MAD1L1: variants seen among roughly 807,000 people sequenced by gnomAD.
The protein encoded by MAD1L1 is mitotic arrest deficient 1 like 1.
In MAD1L1, 95 loss-of-function variants were observed where a neutral mutation model predicts 96.9. That is an observed-to-expected ratio of 0.98 (90% CI 0.83 to 1.16). The LOEUF (loss-of-function observed/expected upper bound fraction) is 1.16. Ranked by LOEUF, MAD1L1 falls within the 50% of genes most tolerant of loss-of-function variation. MAD1L1 has a pLI of 0.00. For missense variants in MAD1L1, 1,007 were observed against 954.4 expected (o/e 1.06, Z -0.73); for synonymous variants, 473 against 396.6 (o/e 1.19, Z -2.29).
At position 2,078,056 on chromosome 7, in the gene MAD1L1, G is replaced by A. The variant is rs143175228; in HGVS notation, c.1074-8718C>T. 5.2e-3 allele frequency among the ~76,000 whole-genome samples: 798 copies of A among 152,268 alleles called. 1 individual carries two copies. Among genetic ancestry groups the A allele is most frequent in the Non-Finnish European group, 7.9e-3 (536 of 68,022 alleles). ...TCGCTCCTTGCTAAGAGGGAACACC[G>A]GGGAAGGGCCCCCACTCACCACAGA... is the stretch of plus-strand genomic sequence containing the variant. On this transcript the variant is annotated intron_variant, in intron 11 of 18. Coordinates refer to ENST00000265854, the MANE Select transcript of MAD1L1 (RefSeq NM_001013836.2).
rs184829121 is a variant in MAD1L1, at chr7:2,009,632, G to A, written c.1359+4870C>T. Among the ~76,000 whole-genome samples, 34 of 152,284 alleles carry A rather than the reference G, an allele frequency of 2.2e-4. No individual in the cohort carries two copies. The East Asian group carries it at 5.2e-3, about 23-fold the overall frequency. On this transcript the variant is annotated intron_variant, in intron 13 of 18. Coordinates refer to ENST00000265854, the MANE Select transcript of MAD1L1 (RefSeq NM_001013836.2). ...GGTGGAGGTCTGAGGATGACTGTGAGCCCAGCGCTGGCCACAGAGCACACA... is the reference window on the plus strand; with the variant it reads ...GGTGGAGGTCTGAGGATGACTGTGAACCCAGCGCTGGCCACAGAGCACACA...
chr7:1,940,063 G>C (rs1778872255), intron 16 of MAD1L1: 1 of 152,396 alleles, frequency 6.6e-6, no homozygotes, highest in Admixed American at 6.5e-5. Context: ...TCATGGAAGA[G>C]GCCAGTGGAG....
At chr7:1,981,092 G>A (rs1421953520) in intron 14 of MAD1L1, among the ~76,000 whole-genome samples, 1 of 152,136 alleles carries the variant, frequency 6.6e-6, no homozygotes, top group Non-Finnish European at 1.5e-5. Context: ...TCAGCCTCCT[G>A]AGTAGCTGGG....
chr7:1,952,583 G>GAGA (rs398072944), intron 16 of MAD1L1, among the ~76,000 whole-genome samples: 1 of 152,110 alleles, frequency 6.6e-6, no homozygotes, highest in Non-Finnish European at 1.5e-5. Flanking sequence ...TGGCACAGAG[G>GAGA]TGCGTGAAGG....
intron 17 of MAD1L1, among the ~76,000 whole-genome samples, chr7:1,934,969 G>A (rs917137094): frequency 3.5e-5 from 5 of 144,516 alleles, no homozygotes; most frequent in Middle Eastern, 3.5e-3. Flanking sequence ...ACAAGGGAAC[G>A]AACAGATGGG....
intron 11 of MAD1L1, among the ~76,000 whole-genome samples, chr7:2,086,279 A>G (rs1328812166): frequency 6.6e-6 from 1 of 152,236 alleles, no homozygotes; most frequent in African/African-American, 2.4e-5. Flanking sequence ...GTGCAGCTCA[A>G]CAACTCAGCA....
intron 15 of MAD1L1, among the ~76,000 whole-genome samples, chr7:1,961,372 A>C (rs1779943907): frequency 1.3e-5 from 2 of 152,262 alleles, no homozygotes; most frequent in Non-Finnish European, 2.9e-5. Flanking sequence ...ACAACAGTGC[A>C]GTACTGGTCT....
intron 12 of MAD1L1, among the ~76,000 whole-genome samples, chr7:2,027,656 G>A (rs545212181): frequency 1.6e-4 from 25 of 152,278 alleles, no homozygotes; most frequent in African/African-American, 3.1e-4. Context: ...ATCTATTCAC[G>A]ATAAAAACTA....
At chr7:2,155,777 G>A (rs1309854835) in intron 10 of MAD1L1, among the ~76,000 whole-genome samples, 1 of 152,204 alleles carries the variant, frequency 6.6e-6, no homozygotes, top group Non-Finnish European at 1.5e-5. Context: ...GTGTGCCAAT[G>A]CCTGTTCCAA....
At chr7:2,108,931 C>A (rs1237975980) in intron 11 of MAD1L1, among the ~76,000 whole-genome samples, 1 of 152,256 alleles carries the variant, frequency 6.6e-6, no homozygotes, top group Non-Finnish European at 1.5e-5. Context: ...AAGTGCAGGG[C>A]CCCCGCGAGG....
chr7:2,052,044 C>T (rs1784203171), intron 12 of MAD1L1, among the ~76,000 whole-genome samples: 2 of 152,156 alleles, frequency 1.3e-5, no homozygotes, highest in African/African-American at 4.8e-5. Flanking sequence ...ACCATTCATG[C>T]AGAGTCAACA....
chr7:1,994,623 C>T (rs957605642), intron 14 of MAD1L1, among the ~76,000 whole-genome samples: 2 of 151,918 alleles, frequency 1.3e-5, no homozygotes, highest in African/African-American at 4.8e-5. Flanking sequence ...GGAGGGAGCC[C>T]GGGGAGGTGA....
chr7:2,210,475 C>G (rs947492305), intron 10 of MAD1L1, among the ~76,000 whole-genome samples: 18 of 116,720 alleles, frequency 1.5e-4, no homozygotes, highest in Non-Finnish European at 2.6e-4. Flanking sequence ...TTCGGGACCG[C>G]CAGCCCGCAT....
intron 10 of MAD1L1, chr7:2,200,668 C>T (rs1054559917): frequency 2.0e-5 from 3 of 152,272 alleles, no homozygotes; most frequent in African/African-American, 7.2e-5. Flanking sequence ...AAGTGATCAT[C>T]TCACAGCACT....
intron 13 of MAD1L1, among the ~76,000 whole-genome samples, chr7:2,008,361 G>A (rs1161944305): frequency 6.6e-6 from 1 of 152,214 alleles, no homozygotes; most frequent in Non-Finnish European, 1.5e-5. Context: ...CCTGGACAGT[G>A]CACTTTAGCA....
chr7:2,155,836 G>A (rs563413066), intron 10 of MAD1L1, among the ~76,000 whole-genome samples: 1 of 152,206 alleles, frequency 6.6e-6, no homozygotes, highest in Non-Finnish European at 1.5e-5. Flanking sequence ...GGCACTGACA[G>A]AGCATCCCCT....
At chr7:1,878,277 A>G (rs537420557) in intron 18 of MAD1L1, among the ~76,000 whole-genome samples, 2 of 152,116 alleles carry the variant, frequency 1.3e-5, no homozygotes, top group Non-Finnish European at 2.9e-5. Flanking sequence ...ATTCTTCCAG[A>G]AAAAAGAGGA....
At chr7:2,209,588 A>C (rs957557141) in intron 10 of MAD1L1, among the ~76,000 whole-genome samples, 4 of 152,232 alleles carry the variant, frequency 2.6e-5, no homozygotes, top group Admixed American at 2.6e-4. Context: ...GTGGGAGAGC[A>C]GCGGTCCACT....
At position 2,195,659 on chromosome 7, in the gene MAD1L1, C is replaced by T. The variant is rs3779015; in HGVS notation, c.986+17553G>A. On this transcript the variant is annotated intron_variant, in intron 10 of 18. Transcript: ENST00000265854. ...ATTGCTAATCTTCTAACTCAGCCAC[C>T]TCCGCGAACAAGATAGTATTGTGTT... Among the ~76,000 whole-genome samples the T allele has an allele frequency of 2.0e-5, 3 of 152,334 alleles. No individual in the cohort carries two copies. The East Asian group carries it at 5.8e-4, about 29-fold the overall frequency.
Sources: gnomAD v4.1 joint callset for allele counts (sites outside exome capture counted in the v4.1 genomes callset) on GRCh38, gnomAD v4.1.1 for gene constraint, MANE v1.5 for transcripts, NCBI Gene and HGNC (gene_info 2026-07-23, HGNC 2026-07-21) for gene names.